The following RELN variants were observed in gnomAD, a reference collection of about 807,000 sequenced individuals.
RELN encodes the protein reelin.
In RELN, 108 loss-of-function variants were observed where a neutral mutation model predicts 427.6. The ratio of observed to expected loss-of-function variants is 0.25; its 90% CI spans 0.22 to 0.30. RELN has a LOEUF of 0.30. Ranked by LOEUF, RELN falls within the 10% of genes least tolerant of loss-of-function variation. The pLI, the probability that RELN is intolerant of heterozygous loss-of-function variation, is 1.00. For synonymous variants in RELN, 1,524 were observed against 1,513.4 expected (o/e 1.01, Z -0.16); for missense variants, 3,715 against 4,302.8 (o/e 0.86, Z 3.82).
At chr7:103,718,970 AAC>A (rs1790008060) in intron 8 of RELN, among the ~76,000 whole-genome samples, 1 of 152,166 alleles carries the variant, frequency 6.6e-6, no homozygotes, top group Non-Finnish European at 1.5e-5. Context: ...CCCCTAACAC[AAC>A]TACCCAAACA....
Position 103,707,687 on chromosome 7 carries a change from C to T in RELN, c.806-6681G>A, listed in dbSNP as rs138285478. On this transcript the variant is annotated intron_variant, in intron 8 of 64. Transcript: ENST00000428762. ...CTAATTTTTGTATTCTTAGTAGAGACGGGGTTTCACCATGTTGGCCAGGAT... is the reference window on the plus strand; with the variant it reads ...CTAATTTTTGTATTCTTAGTAGAGATGGGGTTTCACCATGTTGGCCAGGAT... Among the ~76,000 whole-genome samples, 650 of 152,102 alleles carry T rather than the reference C, an allele frequency of 4.3e-3. 8 individuals carry two copies. The highest frequency in any genetic ancestry group is 0.015 in the African/African-American group (638 of 41,516).
At chr7:103,548,912 G>A (rs551693462) in intron 41 of RELN, among the ~76,000 whole-genome samples, 11 of 152,258 alleles carry the variant, frequency 7.2e-5, no homozygotes, top group African/African-American at 2.6e-4. Flanking sequence ...TGTTTCATAC[G>A]CCTTTAGATG....
rs542818701 is a variant in RELN, at chr7:103,866,651, CAGAA to C, written c.338-32983_338-32980del. Among the ~76,000 whole-genome samples, 11 of 151,996 alleles carry C rather than the reference CAGAA, an allele frequency of 7.2e-5. No individual in the cohort carries two copies. In the South Asian group the frequency reaches 1.0e-3, roughly 14 times the overall value. ...CTATATTTCTGATAGGCATCCCTATCAGAAAGATTTTTATAACATGTATCCCAAG... is the reference window on the plus strand; with the variant it reads ...CTATATTTCTGATAGGCATCCCTATCAGATTTTTATAACATGTATCCCAAG... On this transcript the variant is annotated intron_variant, in intron 2 of 64. Coordinates refer to ENST00000428762, the MANE Select transcript of RELN (RefSeq NM_005045.4).
chr7:103,708,036 T>C (rs1243915739), intron 8 of RELN, among the ~76,000 whole-genome samples: 1 of 152,186 alleles, frequency 6.6e-6, no homozygotes, highest in African/African-American at 2.4e-5. Context: ...AAATATTTTA[T>C]TGTAAACTTG....
Position 103,565,300 on chromosome 7 carries a change from C to G in RELN, c.5188G>C (p.Val1730Leu), listed in dbSNP as rs1554379957. The G allele has an allele frequency of 6.2e-7, 1 of 1,614,124 alleles. No homozygotes were observed. The highest frequency in any genetic ancestry group is 8.5e-7 in the Non-Finnish European group (1 of 1,180,012). Residue 1730 changes from valine (V) to leucine (L), a missense_variant, in exon 34 of 65, where the codon GTC becomes CTC. By Grantham distance (32) the Val-to-Leu change is conservative (BLOSUM62 1). Coordinates refer to ENST00000428762, the MANE Select transcript of RELN (RefSeq NM_005045.4). Reference sequence around the variant, plus strand: ...CACATGGTGGAGAGTGGAAGGTAGACAGTGATCCGCTTCCAATTCTGGAAT... The same window carrying G: ...CACATGGTGGAGAGTGGAAGGTAGAGAGTGATCCGCTTCCAATTCTGGAAT... ...ERFQNWKRIT[V>L]YLPLSTISPR... is the part of the protein sequence containing the mutation.
chr7:103,552,504 T>C (rs1830435949), intron 40 of RELN, among the ~76,000 whole-genome samples: 1 of 147,784 alleles, frequency 6.8e-6, no homozygotes, highest in South Asian at 2.2e-4. Context: ...CTGAATTCTT[T>C]TTTTTTTTTT....
At chr7:103,747,117 C>A (rs1280264674) in intron 6 of RELN, among the ~76,000 whole-genome samples, 1 of 152,034 alleles carries the variant, frequency 6.6e-6, no homozygotes, top group Non-Finnish European at 1.5e-5. Context: ...TTTGTAGGGA[C>A]ATGGATGAAA....
intron 2 of RELN, among the ~76,000 whole-genome samples, chr7:103,872,298 G>A (rs1794365698): frequency 1.5e-5 from 2 of 132,572 alleles, no homozygotes; most frequent in Admixed American, 1.6e-4. Flanking sequence ...CCACCTATAA[G>A]TGAGAATATG....
At chr7:103,661,293 A>G (rs1833133590) in intron 12 of RELN, 83 bp downstream of exon 12, 1 of 1,426,652 alleles carries the variant, frequency 7.0e-7, no homozygotes, top group Admixed American at 1.7e-5. Context: ...CGTAGTTGAC[A>G]ACAAACAATC....
At chr7:103,716,522 C>T (rs1789942253) in intron 8 of RELN, among the ~76,000 whole-genome samples, 1 of 152,324 alleles carries the variant, frequency 6.6e-6, no homozygotes, top group East Asian at 1.9e-4. Context: ...CAGGCTCAGA[C>T]TAAATTCTAA....
At chr7:103,687,077 T>C (rs1381163391) in intron 10 of RELN, among the ~76,000 whole-genome samples, 2 of 152,184 alleles carry the variant, frequency 1.3e-5, no homozygotes, top group Admixed American at 6.5e-5. Context: ...ACATTTGAAC[T>C]ACTTTGTACT....
chr7:103,514,706 A>G (rs1829516302), intron 50 of RELN, among the ~76,000 whole-genome samples: 1 of 152,130 alleles, frequency 6.6e-6, no homozygotes, highest in Non-Finnish European at 1.5e-5. Context: ...CACCAATATC[A>G]TTGAATACCC....
chr7:103,731,736 G>A (rs1270875640), intron 6 of RELN, among the ~76,000 whole-genome samples: 2 of 152,018 alleles, frequency 1.3e-5, no homozygotes, highest in African/African-American at 4.8e-5. Context: ...GAAATAAGGT[G>A]GGATGGAGCA....
intron 24 of RELN, among the ~76,000 whole-genome samples, chr7:103,598,760 G>A (rs751485764): frequency 1.3e-5 from 2 of 152,140 alleles, no homozygotes; most frequent in Non-Finnish European, 2.9e-5. Context: ...TCTTTTGTTT[G>A]GTGACCTGAA....
chr7:103,972,409 G>A (rs925540242), intron 1 of RELN, among the ~76,000 whole-genome samples: 1 of 152,204 alleles, frequency 6.6e-6, no homozygotes, highest in Admixed American at 6.5e-5. Flanking sequence ...TGAGAACTAC[G>A]TGAAAGAGGA....
At chr7:103,739,446 T>C (rs1790583118) in intron 6 of RELN, among the ~76,000 whole-genome samples, 1 of 152,208 alleles carries the variant, frequency 6.6e-6, no homozygotes, top group South Asian at 2.1e-4. Context: ...CTGTCATCAG[T>C]AGTGCAGCCA....
intron 45 of RELN, among the ~76,000 whole-genome samples, chr7:103,536,135 A>G (rs1010845824): frequency 1.3e-5 from 2 of 152,148 alleles, no homozygotes; most frequent in African/African-American, 4.8e-5. Flanking sequence ...TCTTCTGCTT[A>G]TATATCTTGC....
At chr7:103,920,221 A>G (rs184362290) in intron 1 of RELN, among the ~76,000 whole-genome samples, 1 of 152,314 alleles carries the variant, frequency 6.6e-6, no homozygotes, top group African/African-American at 2.4e-5. Flanking sequence ...CTTTAAAAAT[A>G]TTTATTTATA....
intron 2 of RELN, among the ~76,000 whole-genome samples, chr7:103,871,371 C>G (rs1361506872): frequency 6.6e-6 from 1 of 152,054 alleles, no homozygotes; most frequent in African/African-American, 2.4e-5. Flanking sequence ...TAAATACTAG[C>G]AACCAAATTT....
Sources: gnomAD v4.1 joint callset for allele counts (sites outside exome capture counted in the v4.1 genomes callset) on GRCh38, gnomAD v4.1.1 for gene constraint, MANE v1.5 for transcripts, NCBI Gene and HGNC (gene_info 2026-07-23, HGNC 2026-07-21) for gene names.